The following ZEB2 variants were observed in gnomAD, a reference collection of about 807,000 sequenced individuals.
The protein encoded by ZEB2 is zinc finger E-box binding homeobox 2.
Under a neutral mutation model 99.9 loss-of-function variants are expected in ZEB2, and 6 were observed. The observed-to-expected ratio is 0.06, with a 90% CI of 0.03 to 0.12. The LOEUF is 0.12. ZEB2 is among the 10% of genes least tolerant of loss of function. ZEB2 has a pLI of 1.00. For missense variants in ZEB2, 969 were observed against 1,502.8 expected, an observed-to-expected ratio of 0.64 and a Z score of 5.87; for synonymous variants, 517 against 542.5, an observed-to-expected ratio of 0.95 and a Z score of 0.65.
chr2:144,491,657 G>T (rs1344475424), intron 2 of ZEB2, among the ~76,000 whole-genome samples: 3 of 152,182 alleles, frequency 2.0e-5, no homozygotes, highest in Non-Finnish European at 4.4e-5. Context: ...CTTGGGAAGA[G>T]AAGTGCAAGT....
intron 2 of ZEB2, among the ~76,000 whole-genome samples, chr2:144,479,515 C>T (rs933737108): frequency 7.9e-5 from 12 of 152,068 alleles, no homozygotes; most frequent in Non-Finnish European, 1.8e-4. Flanking sequence ...CACTGCAATC[C>T]GCAGCACCTA....
chr2:144,472,432 T>C (rs1002343956), intron 2 of ZEB2, among the ~76,000 whole-genome samples: 1 of 152,086 alleles, frequency 6.6e-6, no homozygotes, highest in Non-Finnish European at 1.5e-5. Context: ...TACAGCATGA[T>C]GGTGATTGAA....
intron 8 of ZEB2, chr2:144,397,852 G>C (rs564243616): frequency 6.0e-5 from 18 of 301,980 alleles, no homozygotes; most frequent in South Asian, 5.3e-4. Context: ...TGTTGGCCAG[G>C]CTGGTCTCAA....
chr2:144,512,534 G>A lies in ZEB2; in HGVS notation c.73+4744C>T, dbSNP rs1455872200. On this transcript the variant is annotated intron_variant, in intron 2 of 9. Coordinates refer to ENST00000627532, the MANE Select transcript of ZEB2 (RefSeq NM_014795.4). ...CTGAAACCTATGACATAGCAGTTGA[G>A]CAGGGAACTTTAATCTTGGTTTTAC... is the stretch of plus-strand genomic sequence containing the variant. 1.0e-5 allele frequency: 13 copies of A among 1,287,122 alleles called. No individual in the cohort carries two copies. The Admixed American group carries it at 3.0e-4, about 30-fold the overall frequency. 79.7% of individuals were successfully genotyped at this position (1,287,122 alleles called of 1,614,324 possible).
chr2:144,517,103 C>A (rs1476630082), intron 2 of ZEB2, among the ~76,000 whole-genome samples, 175 bp downstream of exon 2: 1 of 150,496 alleles, frequency 6.6e-6, no homozygotes, highest in Non-Finnish European at 1.5e-5. Flanking sequence ...CAACACCCCC[C>A]GGTCCAGCCG....
chr2:144,454,930 C>T (rs879851482), intron 2 of ZEB2: 5 of 152,260 alleles, frequency 3.3e-5, no homozygotes, highest in South Asian at 2.1e-4. Flanking sequence ...TATGCTAAAT[C>T]TGCCTTCAAT....
At chr2:144,428,029 T>C (rs927908178) in intron 3 of ZEB2, 1 of 152,208 alleles carries the variant, frequency 6.6e-6, no homozygotes, top group Admixed American at 6.5e-5. Flanking sequence ...TTTTCAACTA[T>C]TGATATTAAA....
intron 2 of ZEB2, chr2:144,503,819 A>T (rs1051043448): frequency 2.0e-5 from 3 of 152,132 alleles, no homozygotes; most frequent in Admixed American, 6.5e-5. Context: ...ACAACTTAAT[A>T]CGTGTTCTCA....
At chr2:144,493,649 T>G (rs1388090636) in intron 2 of ZEB2, among the ~76,000 whole-genome samples, 1 of 152,146 alleles carries the variant, frequency 6.6e-6, no homozygotes, top group Non-Finnish European at 1.5e-5. Flanking sequence ...CATGAAACAG[T>G]GAAGCAGCTC....
chr2:144,510,228 G>A (rs1705010948), intron 2 of ZEB2, among the ~76,000 whole-genome samples: 1 of 151,528 alleles, frequency 6.6e-6, no homozygotes, highest in Non-Finnish European at 1.5e-5. Flanking sequence ...ATCATAAAAA[G>A]TCAGGGGGAA....
At chr2:144,406,535 G>T (rs549827679) in intron 4 of ZEB2, among the ~76,000 whole-genome samples, 1 of 151,942 alleles carries the variant, frequency 6.6e-6, no homozygotes, top group African/African-American at 2.4e-5. Flanking sequence ...AGCAGCATGT[G>T]CAATGTGGTG....
chr2:144,479,384 C>T (rs1255715815), intron 2 of ZEB2, among the ~76,000 whole-genome samples: 1 of 152,112 alleles, frequency 6.6e-6, no homozygotes, highest in East Asian at 1.9e-4. Flanking sequence ...TTGTCTAGTT[C>T]ACAGGCACCC....
intron 2 of ZEB2, among the ~76,000 whole-genome samples, chr2:144,510,859 G>C (rs1234747083): frequency 6.6e-6 from 1 of 152,214 alleles, no homozygotes; most frequent in Non-Finnish European, 1.5e-5. Context: ...TACTGGGAGA[G>C]ACACAGCGGA....
intron 2 of ZEB2, among the ~76,000 whole-genome samples, chr2:144,469,944 C>T (rs140781958): frequency 3.3e-5 from 5 of 152,274 alleles, no homozygotes; most frequent in East Asian, 1.9e-4. Context: ...AACAACTTCA[C>T]GCTGTATTAC....
At chr2:144,463,782 A>G (rs1704230118) in intron 2 of ZEB2, 1 of 152,106 alleles carries the variant, frequency 6.6e-6, no homozygotes, top group African/African-American at 2.4e-5. Context: ...GCAGTGAACC[A>G]TGATTGTGCC....
At chr2:144,396,997 T>G (rs926471446) in intron 8 of ZEB2, among the ~76,000 whole-genome samples, 3 of 152,218 alleles carry the variant, frequency 2.0e-5, no homozygotes, top group Admixed American at 1.3e-4. Context: ...CGATTTTAAT[T>G]GAATTTTATA....
intron 2 of ZEB2, among the ~76,000 whole-genome samples, chr2:144,437,862 G>A (rs1001745558): frequency 5.9e-5 from 9 of 152,158 alleles, no homozygotes; most frequent in African/African-American, 1.9e-4. Flanking sequence ...GCCAGAGTAC[G>A]TTGGAATGTG....
At chr2:144,488,668 T>TGA (rs1704632919) in intron 2 of ZEB2, among the ~76,000 whole-genome samples, 1 of 83,450 alleles carries the variant, frequency 1.2e-5, no homozygotes, top group African/African-American at 3.2e-5. Context: ...TGCTCGTGTG[T>TGA]GAGTGTGTGT....
At chr2:144,466,255 C>T (rs980042275) in intron 2 of ZEB2, among the ~76,000 whole-genome samples, 3 of 152,134 alleles carry the variant, frequency 2.0e-5, no homozygotes, top group Non-Finnish European at 2.9e-5. Flanking sequence ...AAATAGGCAT[C>T]GTGCATACTG....
Sources: allele counts gnomAD v4.1 joint callset (sites outside exome capture counted in the v4.1 genomes callset), GRCh38; gene constraint gnomAD v4.1.1; transcripts MANE v1.5; gene names NCBI Gene and HGNC (gene_info 2026-07-23, HGNC 2026-07-21).